DACH1: variants seen among roughly 807,000 people sequenced by gnomAD.
DACH1 encodes dachshund family transcription factor 1.
DACH1 carries 12 observed loss-of-function variants against 54.2 expected under a neutral mutation model. The observed-to-expected ratio is 0.22, with a 90% confidence interval of 0.14 to 0.36. The LOEUF is 0.36. Ranked by LOEUF, DACH1 falls within the 10% of genes least tolerant of loss-of-function variation. The pLI is 1.00. For synonymous variants in DACH1, 386 were observed against 366.2 expected (o/e 1.05, Z -0.62); for missense variants, 805 against 929.8 (o/e 0.87, Z 1.75).
At chr13:71,645,178 G>A (rs1005790367) in intron 2 of DACH1, among the ~76,000 whole-genome samples, 1 of 152,132 alleles carries the variant, frequency 6.6e-6, no homozygotes, top group Non-Finnish European at 1.5e-5. Flanking sequence ...GTTTAGGAGG[G>A]GAAGCATTGT....
At chr13:71,655,614 G>A (rs980396919) in intron 2 of DACH1, among the ~76,000 whole-genome samples, 1 of 151,704 alleles carries the variant, frequency 6.6e-6, no homozygotes, top group East Asian at 1.9e-4. Context: ...CAGGTGATCT[G>A]CCCACCTCTG....
intron 6 of DACH1, 68 bp downstream of exon 6, chr13:71,556,956 T>G (rs1222564503): frequency 2.8e-6 from 4 of 1,450,100 alleles, no homozygotes; most frequent in Non-Finnish European, 2.8e-6. Context: ...GACTTCATTG[T>G]GTGATTAAAA....
chr13:71,744,862 T>C (rs924406700), intron 1 of DACH1, among the ~76,000 whole-genome samples: 2 of 152,246 alleles, frequency 1.3e-5, no homozygotes, highest in African/African-American at 4.8e-5. Context: ...TCTTTAACCT[T>C]CTACCAGTTT....
At chr13:71,537,656 A>G (rs941928847) in intron 6 of DACH1, among the ~76,000 whole-genome samples, 3 of 152,094 alleles carry the variant, frequency 2.0e-5, no homozygotes, top group African/African-American at 7.2e-5. Flanking sequence ...CTCCTTCATG[A>G]TTAGTCATTT....
chr13:71,722,002 A>G (rs1000653872), intron 1 of DACH1, among the ~76,000 whole-genome samples: 6 of 152,178 alleles, frequency 3.9e-5, no homozygotes, highest in Admixed American at 3.3e-4. Context: ...TTATAAGTCT[A>G]TACCATTAAA....
chr13:71,582,316 A>T (rs1424339784), intron 3 of DACH1, among the ~76,000 whole-genome samples: 1 of 152,162 alleles, frequency 6.6e-6, no homozygotes, highest in East Asian at 1.9e-4. Flanking sequence ...CTTCTAAGCT[A>T]AAATATTCTT....
chr13:71,620,030 T>C (rs958559416), intron 3 of DACH1, among the ~76,000 whole-genome samples: 1 of 151,904 alleles, frequency 6.6e-6, no homozygotes. Flanking sequence ...GAGGCTGAGA[T>C]TCAGATTGCT....
At position 71,845,521 on chromosome 13, in the gene DACH1, C is replaced by T. The variant is rs183884767; in HGVS notation, c.848+20401G>A. Reference sequence around the variant, plus strand: ...TGATGAAGCTGATTCTAGATTACAGCATGTAAAGGAAAAGTTCCTACTCCC... The same window carrying T: ...TGATGAAGCTGATTCTAGATTACAGTATGTAAAGGAAAAGTTCCTACTCCC... On this transcript the variant is annotated intron_variant, in intron 1 of 10. Transcript: ENST00000613252. Among the ~76,000 whole-genome samples, 36 of 152,190 alleles carry T rather than the reference C, an allele frequency of 2.4e-4. No homozygotes were observed. In the East Asian group the frequency reaches 6.6e-3, roughly 28 times the overall value.
rs1189395351 is a variant in DACH1 at position 71,438,734 on chromosome 13, T to C, written c.*1921A>G. On this transcript the variant is annotated 3_prime_UTR_variant, in exon 11 of 11. Transcript: ENST00000613252. ...ACACAAGTCCATTCAATTTTAAGTG[T>C]TGTAATCCTTTAAAGACTGCATATA... 1 of 152,404 alleles carries C rather than the reference T, an allele frequency of 6.6e-6. No individual in the cohort carries two copies. The highest frequency in any genetic ancestry group is 1.5e-5 in the Non-Finnish European group (1 of 67,892). The allele number at this position is 152,404 out of a possible 1,614,324, so 9.4% of individuals were successfully genotyped here.
chr13:71,755,503 T>G (rs74099125), intron 1 of DACH1, among the ~76,000 whole-genome samples: 7,617 of 152,254 alleles, frequency 0.05, 593 homozygotes, highest in African/African-American at 0.17. Context: ...AGATTATTGT[T>G]AGAGCTAGGA....
chr13:71,504,967 A>G lies in DACH1; in HGVS notation c.1571-15819T>C, dbSNP rs146098193. 6.6e-3 allele frequency among the ~76,000 whole-genome samples: 1,005 copies of G among 152,288 alleles called. 35 individuals carry two copies. The highest frequency in any genetic ancestry group is 3.1e-3 in the East Asian group (16 of 5,190). Reference sequence around the variant, plus strand: ...AATACATTATTTAAAAATATTTCACAATGAAATCAATTAATCTCTTCGACT... The same window carrying G: ...AATACATTATTTAAAAATATTTCACGATGAAATCAATTAATCTCTTCGACT... On this transcript the variant is annotated intron_variant, in intron 6 of 10. Coordinates refer to ENST00000613252, the MANE Select transcript of DACH1 (RefSeq NM_080759.6).
intron 1 of DACH1, among the ~76,000 whole-genome samples, chr13:71,840,715 A>T (rs1236910370): frequency 6.6e-6 from 1 of 152,236 alleles, no homozygotes; most frequent in Non-Finnish European, 1.5e-5. Context: ...GAGAAGTGAT[A>T]AAATAAAAAT....
intron 1 of DACH1, among the ~76,000 whole-genome samples, chr13:71,781,876 A>C (rs1218895322): frequency 6.6e-6 from 1 of 152,184 alleles, no homozygotes; most frequent in Middle Eastern, 3.2e-3. Context: ...CACACACTAC[A>C]CAAAAGGTTT....
chr13:71,836,474 A>G (rs992474652), intron 1 of DACH1, among the ~76,000 whole-genome samples: 1 of 152,030 alleles, frequency 6.6e-6, no homozygotes, highest in African/African-American at 2.4e-5. Flanking sequence ...AAGATCTTAA[A>G]ACCTAGTTTT....
chr13:71,600,051 A>C (rs2138487796), intron 3 of DACH1, among the ~76,000 whole-genome samples: 1 of 152,124 alleles, frequency 6.6e-6, no homozygotes, highest in East Asian at 1.9e-4. Flanking sequence ...TGTCTTAATC[A>C]GTTATTTGAA....
At chr13:71,746,278 C>T (rs1669372350) in intron 1 of DACH1, among the ~76,000 whole-genome samples, 1 of 152,028 alleles carries the variant, frequency 6.6e-6, no homozygotes. Flanking sequence ...CCAAAATATA[C>T]ATGAATGAAG....
chr13:71,831,367 A>G (rs1374495076), intron 1 of DACH1, among the ~76,000 whole-genome samples: 1 of 151,930 alleles, frequency 6.6e-6, no homozygotes, highest in African/African-American at 2.4e-5. Context: ...AAACATAGAA[A>G]CTAATAAATA....
At chr13:71,504,285 T>C (rs2138240119) in intron 6 of DACH1, among the ~76,000 whole-genome samples, 1 of 152,294 alleles carries the variant, frequency 6.6e-6, no homozygotes, top group South Asian at 2.1e-4. Flanking sequence ...GAAAAATTAT[T>C]AGAAATTTTA....
At chr13:71,469,468 T>C (rs563106587) in intron 10 of DACH1, among the ~76,000 whole-genome samples, 3 of 152,130 alleles carry the variant, frequency 2.0e-5, no homozygotes, top group Admixed American at 2.0e-4. Flanking sequence ...TAATAATATA[T>C]TGTAAAAGAG....
Sources: gnomAD v4.1 joint callset for allele counts (sites outside exome capture counted in the v4.1 genomes callset) on GRCh38, gnomAD v4.1.1 for gene constraint, MANE v1.5 for transcripts, NCBI Gene and HGNC (gene_info 2026-07-23, HGNC 2026-07-21) for gene names.